The following PLPPR1 variants were observed in gnomAD, a reference collection of about 807,000 sequenced individuals.
The protein encoded by PLPPR1 is phospholipid phosphatase-related protein type 1.
PLPPR1 carries 10 observed loss-of-function variants against 33.1 expected under a neutral mutation model. The ratio of observed to expected loss-of-function variants is 0.30; its 90% CI spans 0.19 to 0.51. The LOEUF (loss-of-function observed/expected upper bound fraction) is 0.51, where lower values mean the gene tolerates loss of function less well. Among genes scored for constraint, PLPPR1 ranks in the 20% least tolerant of loss-of-function variants. The pLI, the probability that PLPPR1 is intolerant of heterozygous loss-of-function variation, is 0.97. For synonymous variants in PLPPR1, 151 were observed against 151.0 expected (o/e 1.00, Z 0.00); for missense variants, 304 against 408.1 (o/e 0.74, Z 2.20).
chr9:101,046,790 C>T (rs767799522), intron 1 of PLPPR1, among the ~76,000 whole-genome samples: 4 of 152,172 alleles, frequency 2.6e-5, no homozygotes, highest in African/African-American at 4.8e-5. Context: ...TTTAATCTCT[C>T]AGTGTTTTCT....
At chr9:101,174,682 G>T (rs549507753) in intron 1 of PLPPR1, among the ~76,000 whole-genome samples, 1 of 152,224 alleles carries the variant, frequency 6.6e-6, no homozygotes, top group South Asian at 2.1e-4. Context: ...TATTTGTCCC[G>T]AGTTACCTAG....
chr9:101,175,532 T>A (rs1241856736), intron 1 of PLPPR1, among the ~76,000 whole-genome samples: 1 of 152,184 alleles, frequency 6.6e-6, no homozygotes, highest in Non-Finnish European at 1.5e-5. Flanking sequence ...GCCACCATTA[T>A]TTCTTTTGCA....
chr9:101,257,554 C>G (rs1196268944), intron 2 of PLPPR1, among the ~76,000 whole-genome samples: 1 of 152,118 alleles, frequency 6.6e-6, no homozygotes, highest in African/African-American at 2.4e-5. Flanking sequence ...CAGGAGGGAG[C>G]CATCACATTA....
At chr9:101,279,100 G>C (rs542947451) in intron 3 of PLPPR1, among the ~76,000 whole-genome samples, 3 of 152,278 alleles carry the variant, frequency 2.0e-5, no homozygotes, top group East Asian at 1.9e-4. Flanking sequence ...AAGAAATAGA[G>C]ATGTTCGAAC....
intron 1 of PLPPR1, among the ~76,000 whole-genome samples, chr9:101,147,924 C>T (rs1340885056): frequency 6.6e-6 from 1 of 152,122 alleles, no homozygotes; most frequent in Non-Finnish European, 1.5e-5. Context: ...GTCCAAGGGG[C>T]TTTCTTTTTC....
intron 1 of PLPPR1, among the ~76,000 whole-genome samples, chr9:101,158,380 G>A (rs931467299): frequency 6.6e-6 from 1 of 152,108 alleles, no homozygotes; most frequent in African/African-American, 2.4e-5. Context: ...TGAGATGGAA[G>A]GTGATAGGAC....
At chr9:101,309,167 A>G in intron 4 of PLPPR1, 44 bp from the exon 5 acceptor site, 1 of 1,605,200 alleles carries the variant, frequency 6.2e-7, no homozygotes, top group Non-Finnish European at 8.5e-7. Context: ...AATGCAATTG[A>G]CAGAGTATGT....
chr9:101,065,794 C>T (rs1254413013), intron 1 of PLPPR1, among the ~76,000 whole-genome samples: 1 of 151,936 alleles, frequency 6.6e-6, no homozygotes, highest in African/African-American at 2.4e-5. Flanking sequence ...CCAAGTGTGA[C>T]CTTAAGCAAG....
chr9:101,220,867 T>C (rs1826918512), intron 2 of PLPPR1, among the ~76,000 whole-genome samples: 1 of 152,172 alleles, frequency 6.6e-6, no homozygotes, highest in Admixed American at 6.6e-5. Context: ...AGGCATAGGG[T>C]TAATCCCCAT....
At chr9:101,215,693 C>T (rs538292627) in intron 2 of PLPPR1, among the ~76,000 whole-genome samples, 17 of 150,920 alleles carry the variant, frequency 1.1e-4, no homozygotes, top group Non-Finnish European at 1.5e-5. Context: ...TCCATTAGCT[C>T]ATTTTTCATT....
At chr9:101,189,542 T>C (rs1465771197) in intron 2 of PLPPR1, among the ~76,000 whole-genome samples, 2 of 152,122 alleles carry the variant, frequency 1.3e-5, no homozygotes, top group African/African-American at 4.8e-5. Context: ...GGTTAAATCC[T>C]CCACCTCTTT....
chr9:101,253,196 T>C lies in PLPPR1; in HGVS notation c.64-16684T>C, dbSNP rs114364761. 6.5e-3 allele frequency among the ~76,000 whole-genome samples: 994 copies of C among 152,234 alleles called. 9 individuals are homozygous for C. The highest frequency in any genetic ancestry group is 0.022 in the African/African-American group (926 of 41,566). On this transcript the variant is annotated intron_variant, in intron 2 of 7. Coordinates refer to ENST00000374874, the MANE Select transcript of PLPPR1 (RefSeq NM_207299.2). ...CACAGCATTTCATGGTTGTGGACTT[T>C]TGTACAAGAGTCAACAGCAATCAGG...
rs1831229820 is a variant in PLPPR1, at chr9:101,125,218, C to T, written c.-45-60232C>T. Among the ~76,000 whole-genome samples, 3 of 152,052 alleles carry T rather than the reference C, an allele frequency of 2.0e-5. No homozygotes were observed. In the South Asian group the frequency reaches 6.2e-4, roughly 32 times the overall value. On this transcript the variant is annotated intron_variant, in intron 1 of 7. Coordinates refer to ENST00000374874, the MANE Select transcript of PLPPR1 (RefSeq NM_207299.2). ...CTATCCCTATCTGTCCCTGTGGTAC[C>T]TGTTAGTTCCTGTGAGTTCCTGCAA...
At chr9:101,260,430 G>T (rs1261093911) in intron 2 of PLPPR1, among the ~76,000 whole-genome samples, 2 of 152,240 alleles carry the variant, frequency 1.3e-5, no homozygotes, top group African/African-American at 4.8e-5. Flanking sequence ...GAAGCCTGAA[G>T]GTGGCAGTGG....
At chr9:101,278,525 G>A (rs1828238595) in intron 3 of PLPPR1, among the ~76,000 whole-genome samples, 1 of 152,158 alleles carries the variant, frequency 6.6e-6, no homozygotes, top group African/African-American at 2.4e-5. Flanking sequence ...TACATTACCT[G>A]CACCACCCCT....
At chr9:101,251,475 A>G (rs1333709808) in intron 2 of PLPPR1, among the ~76,000 whole-genome samples, 5 of 152,096 alleles carry the variant, frequency 3.3e-5, no homozygotes, top group African/African-American at 7.2e-5. Flanking sequence ...TCTGCCTGCC[A>G]TCTTCTGCTC....
chr9:101,310,237 C>A (rs913041036), intron 5 of PLPPR1, among the ~76,000 whole-genome samples: 1 of 152,022 alleles, frequency 6.6e-6, no homozygotes, highest in Non-Finnish European at 1.5e-5. Flanking sequence ...TTCTTAGGAC[C>A]CAGAATATAG....
chr9:101,179,240 C>T (rs1236418394), intron 1 of PLPPR1, among the ~76,000 whole-genome samples: 2 of 152,130 alleles, frequency 1.3e-5, no homozygotes, highest in Non-Finnish European at 2.9e-5. Flanking sequence ...GGCAGGACTA[C>T]AAATGGCCCA....
chr9:101,180,092 CTTTATATATATATATATATA>C (rs1826076151), intron 1 of PLPPR1, among the ~76,000 whole-genome samples: 6 of 59,748 alleles, frequency 1.0e-4, no homozygotes, highest in African/African-American at 4.0e-4. Flanking sequence ...ATAAACTCTC[CTTTATATATATATATATATA>C]TATATATATA....
Sources: gnomAD v4.1 joint callset for allele counts (sites outside exome capture counted in the v4.1 genomes callset) on GRCh38, gnomAD v4.1.1 for gene constraint, MANE v1.5 for transcripts, NCBI Gene and HGNC (gene_info 2026-07-23, HGNC 2026-07-21) for gene names.